PRKG2: variants seen among roughly 807,000 people sequenced by gnomAD.
The protein encoded by PRKG2 is protein kinase cGMP-dependent 2, also known as cGMP-dependent protein kinase 2.
A neutral mutation model predicts 97.2 loss-of-function variants in PRKG2; 33 were observed. The ratio of observed to expected loss-of-function variants is 0.34; its 90% CI spans 0.26 to 0.45. PRKG2 has a LOEUF of 0.45. Ranked by LOEUF, PRKG2 falls within the 20% of genes least tolerant of loss-of-function variation. PRKG2 has a pLI of 1.00. For missense variants in PRKG2, 638 were observed against 900.0 expected (o/e 0.71, Z 3.73); for synonymous variants, 330 against 321.8 (o/e 1.03, Z -0.27).
chr4:81,139,920 C>A (rs1747104852), intron 12 of PRKG2, among the ~76,000 whole-genome samples: 1 of 152,038 alleles, frequency 6.6e-6, no homozygotes. Context: ...TTCTTTCTGT[C>A]ATCTTGCATG....
chr4:81,132,071 T>A (rs909437553), intron 14 of PRKG2, among the ~76,000 whole-genome samples: 1 of 152,046 alleles, frequency 6.6e-6, no homozygotes, highest in Non-Finnish European at 1.5e-5. Flanking sequence ...TATCTTGCCA[T>A]TTAGGTTTTT....
chr4:81,217,051 A>G (rs1286252138), upstream of PRKG2, among the ~76,000 whole-genome samples: 2 of 138,672 alleles, frequency 1.4e-5, no homozygotes, highest in Non-Finnish European at 3.0e-5. Flanking sequence ...ATATATATAT[A>G]TATGTGTATA....
chr4:81,196,816 T>C (rs1335614429), intron 2 of PRKG2, among the ~76,000 whole-genome samples: 1 of 151,328 alleles, frequency 6.6e-6, no homozygotes, highest in Non-Finnish European at 1.5e-5. Flanking sequence ...CTTTAAAATC[T>C]ACAACTAACA....
chr4:81,095,230 T>C (rs1185486102), intron 17 of PRKG2, among the ~76,000 whole-genome samples: 5 of 152,184 alleles, frequency 3.3e-5, no homozygotes. Flanking sequence ...AACCAAAATA[T>C]CATTTTGCCA....
intron 12 of PRKG2, 26 bp downstream of exon 12, chr4:81,140,507 T>G (rs746731314): frequency 6.5e-7 from 1 of 1,542,630 alleles, no homozygotes; most frequent in South Asian, 1.4e-5. Flanking sequence ...AAATCCTAAC[T>G]CCTTGGAAGC....
At position 81,189,625 on chromosome 4, in the gene PRKG2, T is replaced by C. The variant is rs12646071; in HGVS notation, c.462-14666A>G. 3.1e-3 allele frequency among the ~76,000 whole-genome samples: 459 copies of C among 146,638 alleles called. 5 individuals are homozygous for C. The highest frequency in any genetic ancestry group is 0.012 in the African/African-American group (440 of 37,972). On this transcript the variant is annotated intron_variant, in intron 2 of 18. Coordinates refer to ENST00000264399, the MANE Select transcript of PRKG2 (RefSeq NM_006259.3). ...GGGGACTGTTGTGGGGTAGAGGGAG[T>C]GGGGAGGGATAGCTTTAGGAGATAT...
chr4:81,209,369 C>A (rs888869701), intron 1 of PRKG2, among the ~76,000 whole-genome samples: 5 of 152,088 alleles, frequency 3.3e-5, no homozygotes, highest in African/African-American at 1.2e-4. Context: ...TAAATATACA[C>A]AGACAAACAC....
At chr4:81,109,040 C>T (rs571846357) in intron 15 of PRKG2, among the ~76,000 whole-genome samples, 6 of 152,284 alleles carry the variant, frequency 3.9e-5, no homozygotes, top group African/African-American at 1.4e-4. Flanking sequence ...GACAAATTTC[C>T]CAGAGAAACA....
chr4:81,122,611 C>CT (rs974487301), intron 14 of PRKG2, among the ~76,000 whole-genome samples: 7 of 151,978 alleles, frequency 4.6e-5, no homozygotes, highest in Admixed American at 3.3e-4. Flanking sequence ...TTATTTAGGC[C>CT]TTTTTTTTCC....
chr4:81,099,365 T>A (rs1200173918), intron 17 of PRKG2, among the ~76,000 whole-genome samples: 1 of 152,124 alleles, frequency 6.6e-6, no homozygotes, highest in Non-Finnish European at 1.5e-5. Flanking sequence ...TTATCCACCA[T>A]GATCAAGTGG....
chr4:81,190,489 C>T (rs1278688740), intron 2 of PRKG2, among the ~76,000 whole-genome samples: 1 of 151,956 alleles, frequency 6.6e-6, no homozygotes, highest in Non-Finnish European at 1.5e-5. Context: ...CATAAAAACC[C>T]TAGAAGAGGC....
chr4:81,169,545 CAT>C (rs1311740618), intron 5 of PRKG2, 116 bp downstream of exon 5: 11 of 734,706 alleles, frequency 1.5e-5, no homozygotes, highest in Admixed American at 3.0e-5. Flanking sequence ...TTGGTTTAGT[CAT>C]GTGGAAAATG....
At chr4:81,167,133 AT>A in intron 6 of PRKG2, 27 bp downstream of exon 6, 1 of 1,446,974 alleles carries the variant, frequency 6.9e-7, no homozygotes, top group South Asian at 1.2e-5. Context: ...TTCTAATGAA[AT>A]TTATTTTTTA....
At chr4:81,202,094 T>C (rs374015501) in intron 2 of PRKG2, among the ~76,000 whole-genome samples, 29 of 152,324 alleles carry the variant, frequency 1.9e-4, no homozygotes, top group South Asian at 1.9e-3. Context: ...AACTAATGTA[T>C]ACTGTACATC....
At position 81,142,867 on chromosome 4, in the gene PRKG2, G is replaced by A. The variant is rs1212201931; in HGVS notation, c.1334C>T (p.Ser445Phe). Residue 445 changes from serine to phenylalanine, a missense_variant, in exon 11 of 19, where the codon TCC becomes TTC. By Grantham distance (155) the Ser-to-Phe change is radical. Coordinates refer to ENST00000264399, the MANE Select transcript of PRKG2 (RefSeq NM_006259.3). ...AAGGTTCTGGAATGGGGATGATGAG[G>A]AAAATCTGGCCACCTTCTCCTTCAG... ...IQLKEKVARF[S>F]SSSPFQNLEI... The A allele has an allele frequency of 6.2e-7, 1 of 1,613,290 alleles. No homozygotes were observed. The highest frequency in any genetic ancestry group is 8.5e-7 in the Non-Finnish European group (1 of 1,179,536).
chr4:81,181,076 C>T (rs1751370328), intron 2 of PRKG2, among the ~76,000 whole-genome samples: 1 of 148,506 alleles, frequency 6.7e-6, no homozygotes, highest in Admixed American at 7.0e-5. Flanking sequence ...TGAGTGAGAA[C>T]ATGCAGATAC....
intron 14 of PRKG2, among the ~76,000 whole-genome samples, chr4:81,127,486 C>T (rs990154349): frequency 2.6e-5 from 4 of 152,024 alleles, no homozygotes; most frequent in African/African-American, 9.7e-5. Flanking sequence ...TTTTTCTATT[C>T]GTTTGTGTCC....
At chr4:81,165,487 G>A (rs1034606050) in intron 6 of PRKG2, among the ~76,000 whole-genome samples, 1 of 152,124 alleles carries the variant, frequency 6.6e-6, no homozygotes, top group African/African-American at 2.4e-5. Flanking sequence ...GCTGTTGTCA[G>A]GACCAAGTTG....
chr4:81,198,644 TC>T (rs1183789203), intron 2 of PRKG2, among the ~76,000 whole-genome samples: 1 of 152,110 alleles, frequency 6.6e-6, no homozygotes, highest in African/African-American at 2.4e-5. Flanking sequence ...GAAAACTGTT[TC>T]CAAAAATATA....
Sources: allele counts gnomAD v4.1 joint callset (sites outside exome capture counted in the v4.1 genomes callset), GRCh38; gene constraint gnomAD v4.1.1; transcripts MANE v1.5; gene names NCBI Gene and HGNC (gene_info 2026-07-23, HGNC 2026-07-21).